The following PLPPR5 variants were observed in gnomAD, a reference collection of about 807,000 sequenced individuals.
PLPPR5 encodes phospholipid phosphatase-related protein type 5.
Under a neutral mutation model 33.9 loss-of-function variants are expected in PLPPR5, and 16 were observed. The observed-to-expected ratio is 0.47, with a 90% CI of 0.32 to 0.72. The LOEUF is 0.72. Ranked by LOEUF, PLPPR5 falls within the 30% of genes least tolerant of loss-of-function variation. PLPPR5 has a pLI of 0.03. For missense variants in PLPPR5, 301 were observed against 406.7 expected, an observed-to-expected ratio of 0.74 and a Z score of 2.23; for synonymous variants, 163 against 150.3, an observed-to-expected ratio of 1.08 and a Z score of -0.62.
At chr1:98,929,968 C>T (rs2101174292) in intron 3 of PLPPR5, among the ~76,000 whole-genome samples, 1 of 152,264 alleles carries the variant, frequency 6.6e-6, no homozygotes, top group East Asian at 1.9e-4. Context: ...AGCTGTGTAA[C>T]ATCTGAAGAA....
At chr1:98,936,955 G>A (rs1051365809) in intron 3 of PLPPR5, among the ~76,000 whole-genome samples, 2 of 152,126 alleles carry the variant, frequency 1.3e-5, no homozygotes, top group Admixed American at 1.3e-4. Context: ...TTTATGCCCC[G>A]GCTGGCATTG....
At chr1:98,915,020 T>C (rs1180268021) in intron 4 of PLPPR5, 100 bp from the exon 5 acceptor site, 1 of 1,021,278 alleles carries the variant, frequency 9.8e-7, no homozygotes, top group Non-Finnish European at 1.4e-6. Context: ...AAGAAAGTAT[T>C]AAAATTACTT....
rs1648325815 is a variant in PLPPR5, at chr1:98,892,873, A to AG, written c.*198dup. ...GCTTTGTTGTAAGTGCTGGGGACACAGAAAAAAAAAGACAATCCTGCCCTC... is the reference window on the plus strand; with the variant it reads ...GCTTTGTTGTAAGTGCTGGGGACACAGGAAAAAAAAAGACAATCCTGCCCTC... On this transcript the variant is annotated 3_prime_UTR_variant, in exon 6 of 6. Transcript: ENST00000263177. 3 of 543,066 alleles carry AG rather than the reference A, an allele frequency of 5.5e-6. No homozygotes were observed. The highest frequency in any genetic ancestry group is 7.7e-5 in the Admixed American group (2 of 25,834). 33.6% of individuals were successfully genotyped at this position (543,066 alleles called of 1,614,324 possible).
intron 4 of PLPPR5, among the ~76,000 whole-genome samples, chr1:98,919,804 C>A (rs1245451510): frequency 2.6e-5 from 4 of 152,152 alleles, no homozygotes; most frequent in Non-Finnish European, 4.4e-5. Flanking sequence ...TGAGAGGAAG[C>A]AAACTATAGT....
intron 1 of PLPPR5, among the ~76,000 whole-genome samples, chr1:98,965,279 A>G (rs559277641): frequency 2.6e-5 from 4 of 152,138 alleles, no homozygotes; most frequent in African/African-American, 9.7e-5. Context: ...AGACCTTCTC[A>G]AACTTGAGTA....
intron 1 of PLPPR5, among the ~76,000 whole-genome samples, chr1:98,971,290 A>G (rs563293197): frequency 3.3e-5 from 5 of 152,258 alleles, no homozygotes; most frequent in Admixed American, 2.6e-4. Flanking sequence ...TTACATATTC[A>G]TATTACATCT....
At chr1:98,958,563 A>AT (rs368359084) in intron 1 of PLPPR5, among the ~76,000 whole-genome samples, 1 of 152,186 alleles carries the variant, frequency 6.6e-6, no homozygotes, top group African/African-American at 2.4e-5. Context: ...TAACTCTGGC[A>AT]TTGGTGAAGT....
intron 3 of PLPPR5, among the ~76,000 whole-genome samples, chr1:98,935,125 G>T (rs1029393730): frequency 6.6e-6 from 1 of 152,096 alleles, no homozygotes; most frequent in Non-Finnish European, 1.5e-5. Context: ...AGTGCAAAAT[G>T]AAAATGAATG....
intron 3 of PLPPR5, among the ~76,000 whole-genome samples, chr1:98,942,548 T>C (rs948247007): frequency 4.6e-5 from 7 of 152,184 alleles, no homozygotes; most frequent in African/African-American, 1.7e-4. Context: ...CAAGAAATAC[T>C]GTGTCATTGT....
Position 98,960,053 on chromosome 1 carries a change from TG to T in PLPPR5, c.238-3313del, listed in dbSNP as rs570035182. 2.5e-3 allele frequency among the ~76,000 whole-genome samples: 381 copies of T among 152,148 alleles called. 2 individuals are homozygous for T. Among genetic ancestry groups the T allele is most frequent in the African/African-American group, 8.8e-3 (367 of 41,514 alleles). Reference sequence around the variant, plus strand: ...AGGTGTCTGCTTTCCTCCAAGGGTATGTCTAATTCACACACCCTAGTTCTGT... The same window carrying T: ...AGGTGTCTGCTTTCCTCCAAGGGTATTCTAATTCACACACCCTAGTTCTGT... On this transcript the variant is annotated intron_variant, in intron 1 of 5. Transcript: ENST00000263177.
chr1:98,911,432 A>G (rs957327187), intron 5 of PLPPR5, among the ~76,000 whole-genome samples: 1 of 152,246 alleles, frequency 6.6e-6, no homozygotes, highest in Non-Finnish European at 1.5e-5. Context: ...ACTCATCTGT[A>G]ACAATTTATA....
At chr1:99,005,345 G>A (rs140913290), upstream of PLPPR5, among the ~76,000 whole-genome samples, 2 of 152,156 alleles carry the variant, frequency 1.3e-5, no homozygotes, top group Admixed American at 6.5e-5. Context: ...CAACCGGTGC[G>A]TTCAGCCTGC....
upstream of PLPPR5, among the ~76,000 whole-genome samples, chr1:99,005,275 C>G (rs60448928): frequency 0.076 from 11,569 of 152,156 alleles, 453 homozygotes; most frequent in East Asian, 0.15. Flanking sequence ...GGTGCGTGGA[C>G]GCGTCTTCCG....
rs181968809 is a variant in PLPPR5, at chr1:98,993,073, G to A, written c.237+11362C>T. Reference sequence around the variant, plus strand: ...CACTATGTTAGTTAATATGTATAAAGTAGTTGAACAATGTCTGCTACACAG... The same window carrying A: ...CACTATGTTAGTTAATATGTATAAAATAGTTGAACAATGTCTGCTACACAG... On this transcript the variant is annotated intron_variant, in intron 1 of 5. Transcript: ENST00000263177. Among the ~76,000 whole-genome samples the A allele has an allele frequency of 1.1e-4, 16 of 152,212 alleles. No individual in the cohort carries two copies. In the East Asian group the frequency reaches 3.1e-3, roughly 29 times the overall value.
intron 5 of PLPPR5, among the ~76,000 whole-genome samples, chr1:98,910,890 T>G (rs925619532): frequency 9.5e-4 from 20 of 20,948 alleles, no homozygotes; most frequent in Non-Finnish European, 1.1e-3. Flanking sequence ...CAGAGAGTGT[T>G]TTTTTTTTTT....
chr1:98,973,757 C>A (rs1395658638), intron 1 of PLPPR5, among the ~76,000 whole-genome samples: 1 of 151,686 alleles, frequency 6.6e-6, no homozygotes, highest in Non-Finnish European at 1.5e-5. Context: ...AGCAAGTGGG[C>A]CCACTTGGCT....
intron 1 of PLPPR5, among the ~76,000 whole-genome samples, chr1:98,983,820 T>C (rs541351398): frequency 1.4e-4 from 22 of 152,312 alleles, no homozygotes; most frequent in African/African-American, 5.1e-4. Context: ...GTGGTTTTGA[T>C]TTGCATTTCC....
intron 3 of PLPPR5, among the ~76,000 whole-genome samples, chr1:98,925,594 AT>A (rs1359563565): frequency 6.6e-6 from 1 of 152,220 alleles, no homozygotes; most frequent in Non-Finnish European, 1.5e-5. Flanking sequence ...TGTAATATGC[AT>A]TGACTCACTT....
chr1:98,947,619 G>A (rs553992493), intron 3 of PLPPR5, among the ~76,000 whole-genome samples: 18 of 152,240 alleles, frequency 1.2e-4, no homozygotes, highest in Non-Finnish European at 2.5e-4. Context: ...TTTAAAACAC[G>A]CAGTTCATGG....
Sources: gnomAD v4.1 joint callset for allele counts (sites outside exome capture counted in the v4.1 genomes callset) on GRCh38, gnomAD v4.1.1 for gene constraint, MANE v1.5 for transcripts, NCBI Gene and HGNC (gene_info 2026-07-23, HGNC 2026-07-21) for gene names.